TMEM132D: variants seen among roughly 807,000 people sequenced by gnomAD.
The protein encoded by TMEM132D is mature OL transmembrane protein.
In TMEM132D, 21 loss-of-function variants were observed where a neutral mutation model predicts 62.3. The ratio of observed to expected loss-of-function variants is 0.34; its 90% CI spans 0.24 to 0.49. TMEM132D has a LOEUF of 0.49. Ranked by LOEUF, TMEM132D falls within the 20% of genes least tolerant of loss-of-function variation. TMEM132D has a pLI of 0.99. For missense variants in TMEM132D, 1,346 were observed against 1,402.8 expected (o/e 0.96, Z 0.65); for synonymous variants, 621 against 575.6 (o/e 1.08, Z -1.13).
chr12:129,599,328 CTT>C (rs756235260), intron 2 of TMEM132D, among the ~76,000 whole-genome samples: 1 of 152,140 alleles, frequency 6.6e-6, no homozygotes, highest in Non-Finnish European at 1.5e-5. Flanking sequence ...ATTAGCAATC[CTT>C]TGTTTATAAT....
At position 129,322,450 on chromosome 12, in the gene TMEM132D, A is replaced by C. The variant is rs79777068; in HGVS notation, c.1299+15184T>G. On this transcript the variant is annotated intron_variant, in intron 4 of 8. Coordinates refer to ENST00000422113, the MANE Select transcript of TMEM132D (RefSeq NM_133448.3). ...ATACAATGTTTTGTGAAGAGGCTGC[A>C]TGGTGTGAACCAGGTAGCAACATGC... Among the ~76,000 whole-genome samples, 1,396 of 152,206 alleles carry C rather than the reference A, an allele frequency of 9.2e-3. 30 individuals carry two copies. The highest frequency in any genetic ancestry group is 0.032 in the African/African-American group (1,318 of 41,518).
At chr12:129,883,437 T>C (rs777238147) in intron 1 of TMEM132D, among the ~76,000 whole-genome samples, 2 of 152,196 alleles carry the variant, frequency 1.3e-5, no homozygotes, top group African/African-American at 2.4e-5. Flanking sequence ...ATTATTAAGA[T>C]GGCAGTTCTC....
At chr12:129,500,112 C>T (rs763805317) in intron 3 of TMEM132D, among the ~76,000 whole-genome samples, 1 of 141,548 alleles carries the variant, frequency 7.1e-6, no homozygotes, top group South Asian at 2.3e-4. Context: ...CCTCATCTGT[C>T]CCCCACTTCA....
At chr12:129,133,981 G>A (rs976544322) in intron 5 of TMEM132D, among the ~76,000 whole-genome samples, 1 of 152,112 alleles carries the variant, frequency 6.6e-6, no homozygotes, top group Non-Finnish European at 1.5e-5. Context: ...GCAAGAAGCT[G>A]GCATGTAGGG....
At chr12:129,453,766 G>A (rs2135728218) in intron 3 of TMEM132D, among the ~76,000 whole-genome samples, 1 of 152,244 alleles carries the variant, frequency 6.6e-6, no homozygotes, top group South Asian at 2.1e-4. Context: ...GTCTCTCCTT[G>A]ACTTGGCTTG....
chr12:129,836,364 G>T (rs1244497641), intron 1 of TMEM132D, among the ~76,000 whole-genome samples: 1 of 151,974 alleles, frequency 6.6e-6, no homozygotes, highest in Non-Finnish European at 1.5e-5. Flanking sequence ...CTTGAGACAG[G>T]AGAGAGAGAG....
At chr12:129,161,309 C>T (rs1014367377) in intron 5 of TMEM132D, among the ~76,000 whole-genome samples, 2 of 152,122 alleles carry the variant, frequency 1.3e-5, no homozygotes, top group Admixed American at 1.3e-4. Context: ...ATTCTGAAAA[C>T]AAAATACCTG....
chr12:129,891,824 C>A (rs1170594145), intron 1 of TMEM132D, among the ~76,000 whole-genome samples: 2 of 151,830 alleles, frequency 1.3e-5, no homozygotes, highest in Non-Finnish European at 2.9e-5. Context: ...CACATGAACT[C>A]GAAAAAGTTG....
At chr12:129,246,197 C>G (rs1425626099) in intron 4 of TMEM132D, among the ~76,000 whole-genome samples, 2 of 152,164 alleles carry the variant, frequency 1.3e-5, no homozygotes, top group African/African-American at 4.8e-5. Context: ...AGAACAGAAC[C>G]TGTTCCTTCT....
chr12:129,409,355 C>T (rs1421493824), intron 3 of TMEM132D, among the ~76,000 whole-genome samples: 1 of 152,216 alleles, frequency 6.6e-6, no homozygotes, highest in Non-Finnish European at 1.5e-5. Flanking sequence ...GTGTCGGACA[C>T]TCACACAACA....
At chr12:129,126,328 A>C (rs1593269494) in intron 5 of TMEM132D, among the ~76,000 whole-genome samples, 2 of 147,140 alleles carry the variant, frequency 1.4e-5, no homozygotes, top group African/African-American at 2.5e-5. Context: ...TGCAGCTATC[A>C]CTTTCATTCT....
At chr12:129,636,664 T>C (rs1879485120) in intron 2 of TMEM132D, among the ~76,000 whole-genome samples, 1 of 150,814 alleles carries the variant, frequency 6.6e-6, no homozygotes, top group Admixed American at 6.6e-5. Context: ...TCCTGACATT[T>C]TCCCAGGTAA....
At chr12:129,176,586 C>A (rs1463298310) in intron 5 of TMEM132D, among the ~76,000 whole-genome samples, 1 of 152,212 alleles carries the variant, frequency 6.6e-6, no homozygotes, top group Non-Finnish European at 1.5e-5. Flanking sequence ...TTTGCAGAAT[C>A]CTCCCCAAAT....
At chr12:129,874,190 T>A (rs1310098177) in intron 1 of TMEM132D, among the ~76,000 whole-genome samples, 1 of 152,210 alleles carries the variant, frequency 6.6e-6, no homozygotes, top group African/African-American at 2.4e-5. Flanking sequence ...ATATGTGAGG[T>A]AATGCATATG....
intron 4 of TMEM132D, chr12:129,212,647 G>GAAA (rs1879088799): frequency 6.6e-6 from 1 of 152,206 alleles, no homozygotes; most frequent in African/African-American, 2.4e-5. Flanking sequence ...TAAAGGCACA[G>GAAA]ACTCTCTTTA....
At chr12:129,475,860 A>G (rs576607863) in intron 3 of TMEM132D, among the ~76,000 whole-genome samples, 7 of 152,356 alleles carry the variant, frequency 4.6e-5, no homozygotes, top group African/African-American at 1.2e-4. Context: ...AAAAAGTTCT[A>G]GACAAAGCAA....
intron 3 of TMEM132D, among the ~76,000 whole-genome samples, chr12:129,366,565 G>A (rs1185469076): frequency 1.3e-5 from 2 of 152,126 alleles, no homozygotes; most frequent in East Asian, 1.9e-4. Flanking sequence ...CCTCTTTTCT[G>A]TATAAATTGC....
At chr12:129,470,669 T>G (rs998240651) in intron 3 of TMEM132D, among the ~76,000 whole-genome samples, 4 of 152,234 alleles carry the variant, frequency 2.6e-5, no homozygotes, top group Non-Finnish European at 5.9e-5. Flanking sequence ...GCATCATGTC[T>G]CATGACAACA....
Position 129,636,994 on chromosome 12 carries a change from A to G in TMEM132D, c.968+62816T>C, listed in dbSNP as rs563773980. Among the ~76,000 whole-genome samples the G allele has an allele frequency of 3.9e-5, 6 of 152,204 alleles. 1 individual carries two copies. In the East Asian group the frequency reaches 1.2e-3, roughly 29 times the overall value. On this transcript the variant is annotated intron_variant, in intron 2 of 8. Transcript: ENST00000422113. ...AACTCTCATTTCTACCTCCCCCAAT[A>G]TAAACACAGTACAAAATGATACACA...
Sources: allele counts gnomAD v4.1 joint callset (sites outside exome capture counted in the v4.1 genomes callset), GRCh38; gene constraint gnomAD v4.1.1; transcripts MANE v1.5; gene names NCBI Gene and HGNC (gene_info 2026-07-23, HGNC 2026-07-21).